CEP128: variants seen among roughly 807,000 people sequenced by gnomAD.
CEP128 encodes centrosomal protein 128kDa.
Under a neutral mutation model 156.7 loss-of-function variants are expected in CEP128, and 132 were observed. The observed-to-expected ratio is 0.84, with a 90% CI of 0.73 to 0.97. CEP128 has a LOEUF of 0.97. Among genes scored for constraint, CEP128 ranks in the 50% least tolerant of loss-of-function variants. The pLI, the probability that CEP128 is intolerant of heterozygous loss-of-function variation, is 0.00. For missense variants in CEP128, 1,252 were observed against 1,281.9 expected, an observed-to-expected ratio of 0.98 and a Z score of 0.36; for synonymous variants, 469 against 448.9, an observed-to-expected ratio of 1.04 and a Z score of -0.57.
At position 80,829,745 on chromosome 14, in the gene CEP128, C is replaced by T. The variant is rs538748853; in HGVS notation, c.1209+1398G>A. ...TTTTTCACACCCAAACTCTATACAA[C>T]CAAACCAAACTAACCCAAGAGGACT... On this transcript the variant is annotated intron_variant, in intron 13 of 24. Coordinates refer to ENST00000555265, the MANE Select transcript of CEP128 (RefSeq NM_152446.5). 4.6e-5 allele frequency among the ~76,000 whole-genome samples: 7 copies of T among 152,344 alleles called. No individual in the cohort carries two copies. The East Asian group carries it at 1.3e-3, about 29-fold the overall frequency.
At chr14:80,714,282 T>A (rs148258931) in intron 19 of CEP128, among the ~76,000 whole-genome samples, 220 of 152,026 alleles carry the variant, frequency 1.4e-3, no homozygotes, top group African/African-American at 5.0e-3. Flanking sequence ...ATAGGTTGCA[T>A]CACCCATTCA....
chr14:80,483,520 C>A (rs1887097978), intron 14 of CEP128, among the ~76,000 whole-genome samples: 1 of 152,192 alleles, frequency 6.6e-6, no homozygotes, highest in Non-Finnish European at 1.5e-5. Context: ...GTTCCAAGAA[C>A]AACACGGCGA....
chr14:80,624,819 T>C (rs1448408609), intron 19 of CEP128, among the ~76,000 whole-genome samples: 1 of 152,170 alleles, frequency 6.6e-6, no homozygotes, highest in East Asian at 1.9e-4. Context: ...TGAATATTAG[T>C]CCTTGTCAGA....
At chr14:80,567,671 A>C (rs1163963823) in intron 20 of CEP128, among the ~76,000 whole-genome samples, 1 of 152,204 alleles carries the variant, frequency 6.6e-6, no homozygotes, top group Non-Finnish European at 1.5e-5. Context: ...CAAGAGACAG[A>C]ATTATCTTTC....
At chr14:80,508,616 A>G (rs571779342) in intron 23 of CEP128, among the ~76,000 whole-genome samples, 8 of 152,308 alleles carry the variant, frequency 5.3e-5, no homozygotes, top group African/African-American at 7.2e-5. Context: ...ACTTTTGTCC[A>G]TATTTTTATG....
At chr14:80,484,512 T>C (rs1285342034) in intron 14 of CEP128, among the ~76,000 whole-genome samples, 3 of 152,230 alleles carry the variant, frequency 2.0e-5, no homozygotes, top group Admixed American at 1.3e-4. Flanking sequence ...AAAGGCAGTA[T>C]TGCTTTTGTT....
Position 80,875,118 on chromosome 14 carries a change from T to G in CEP128, c.646-12245A>C, listed in dbSNP as rs577091749. ...TTTTTAGCAGATTCTTAAAGTTAAATGAGAAAAAGTGTTGAGCTGAGAGAC... is the reference window on the plus strand; with the variant it reads ...TTTTTAGCAGATTCTTAAAGTTAAAGGAGAAAAAGTGTTGAGCTGAGAGAC... On this transcript the variant is annotated intron_variant, in intron 8 of 24. Transcript: ENST00000555265. 2.8e-4 allele frequency among the ~76,000 whole-genome samples: 43 copies of G among 152,248 alleles called. No homozygotes were observed. The South Asian group carries it at 8.1e-3, about 29-fold the overall frequency.
chr14:80,943,709 TCAGGC>T (rs1407443079), upstream of CEP128, among the ~76,000 whole-genome samples: 2 of 152,280 alleles, frequency 1.3e-5, no homozygotes, highest in East Asian at 3.9e-4. Flanking sequence ...TGTAGTGAAG[TCAGGC>T]CAGGGGTGCT....
intron 13 of CEP128, among the ~76,000 whole-genome samples, chr14:80,816,545 C>G (rs7141130): frequency 0.38 from 58,418 of 152,042 alleles, 11,411 homozygotes; most frequent in Non-Finnish European, 0.4. Context: ...CACCCTACTT[C>G]CTAAGTAGGG....
chr14:80,619,941 G>A (rs112231003), intron 19 of CEP128, among the ~76,000 whole-genome samples: 2 of 151,656 alleles, frequency 1.3e-5, no homozygotes, highest in African/African-American at 2.4e-5. Flanking sequence ...CCTAGCCAAC[G>A]TGGTGAAACC....
chr14:80,947,993 A>G (rs1401010260), intron 2 of CEP128, among the ~76,000 whole-genome samples: 2 of 152,200 alleles, frequency 1.3e-5, no homozygotes, highest in African/African-American at 4.8e-5. Context: ...GCCAACACAG[A>G]TGGTCAAGCT....
At chr14:80,864,744 ATGT>A (rs1291551108) in intron 8 of CEP128, among the ~76,000 whole-genome samples, 1 of 152,038 alleles carries the variant, frequency 6.6e-6, no homozygotes, top group Admixed American at 6.6e-5. Context: ...TTTAGGAGAG[ATGT>A]TGTTTCACCA....
At chr14:80,504,107 C>T (rs1042156657) in intron 24 of CEP128, among the ~76,000 whole-genome samples, 1 of 152,022 alleles carries the variant, frequency 6.6e-6, no homozygotes, top group Admixed American at 6.5e-5. Context: ...AATAAAAATC[C>T]ATTAAATAAC....
intron 19 of CEP128, among the ~76,000 whole-genome samples, chr14:80,656,241 G>A (rs1895129407): frequency 8.3e-6 from 1 of 120,446 alleles, no homozygotes; most frequent in African/African-American, 3.1e-5. Flanking sequence ...TGAAAGTGAA[G>A]GATCCTCAAG....
rs1901000079 is a variant in CEP128 at position 80,779,721 on chromosome 14, C to G, written c.2212-1675G>C. 2.0e-5 allele frequency among the ~76,000 whole-genome samples: 3 copies of G among 152,292 alleles called. No homozygotes were observed. The South Asian group carries it at 6.2e-4, about 32-fold the overall frequency. On this transcript the variant is annotated intron_variant, in intron 15 of 24. Coordinates refer to ENST00000555265, the MANE Select transcript of CEP128 (RefSeq NM_152446.5). ...TGCTATAAATCAAGGGTTTTCCACC[C>G]ACCGGAAGCCTGTTTTCAAATATTT...
intron 19 of CEP128, among the ~76,000 whole-genome samples, chr14:80,673,341 T>G (rs2140936784): frequency 6.6e-6 from 1 of 152,286 alleles, no homozygotes; most frequent in South Asian, 2.1e-4. Flanking sequence ...TTGATGAGCA[T>G]TTTTAAAATG....
chr14:80,541,291 A>C (rs1329990864), intron 21 of CEP128, among the ~76,000 whole-genome samples: 1 of 152,132 alleles, frequency 6.6e-6, no homozygotes, highest in African/African-American at 2.4e-5. Context: ...AAGGCTGGAA[A>C]GAGTATGGAG....
intron 19 of CEP128, among the ~76,000 whole-genome samples, chr14:80,662,772 A>G (rs902515575): frequency 6.6e-6 from 1 of 152,192 alleles, no homozygotes; most frequent in Admixed American, 6.6e-5. Context: ...AATCTCATGT[A>G]GGTCTTAAGG....
At position 80,526,928 on chromosome 14, in the gene CEP128, G is replaced by A. The variant is rs377371402; in HGVS notation, c.3013C>T (p.Arg1005Cys). The A allele has an allele frequency of 2.1e-5, 34 of 1,608,880 alleles. No individual in the cohort carries two copies. The highest frequency in any genetic ancestry group is 2.5e-5 in the Non-Finnish European group (30 of 1,178,166). ...TGGTGATGCTGAAGAGAATTTCTGC[G>A]AACCCTGTATTTGGAATATCTTCCA... ...TDGRYSKYRV[R>C]RNSLQHHQDD... Residue 1005 changes from arginine (R) to cysteine (C), a missense_variant, in exon 23 of 25, where the codon CGC becomes TGC. Physicochemically the swap from Arg to Cys is radical, Grantham distance 180. Transcript: ENST00000555265.
Sources: allele counts gnomAD v4.1 joint callset (sites outside exome capture counted in the v4.1 genomes callset), GRCh38; gene constraint gnomAD v4.1.1; transcripts MANE v1.5; gene names NCBI Gene and HGNC (gene_info 2026-07-23, HGNC 2026-07-21).